ROBO2: variants seen among roughly 807,000 people sequenced by gnomAD.
ROBO2 encodes the protein roundabout guidance receptor 2, also known as roundabout homolog 2.
In ROBO2, 53 loss-of-function variants were observed where a neutral mutation model predicts 160.8. The ratio of observed to expected loss-of-function variants is 0.33; its 90% CI spans 0.26 to 0.41. The LOEUF (loss-of-function observed/expected upper bound fraction) is 0.41, where lower values mean the gene tolerates loss of function less well. ROBO2 is among the 10% of genes least tolerant of loss of function. The pLI, the probability that ROBO2 is intolerant of heterozygous loss-of-function variation, is 1.00. For missense variants in ROBO2, 1,577 were observed against 1,722.4 expected, an observed-to-expected ratio of 0.92 and a Z score of 1.49; for synonymous variants, 664 against 611.7, an observed-to-expected ratio of 1.09 and a Z score of -1.26.
At chr3:76,498,325 GT>G (rs1261971345) in intron 2 of ROBO2, among the ~76,000 whole-genome samples, 1 of 152,046 alleles carries the variant, frequency 6.6e-6, no homozygotes, top group East Asian at 1.9e-4. Context: ...TTGGAGAGGT[GT>G]TTGTTAAAGG....
intron 2 of ROBO2, among the ~76,000 whole-genome samples, chr3:76,323,170 C>CAT (rs1553705974): frequency 2.0e-5 from 3 of 151,304 alleles, no homozygotes; most frequent in Non-Finnish European, 4.4e-5. Context: ...CACACACACA[C>CAT]ACACACCCCT....
chr3:76,495,057 C>T (rs2107574026), intron 2 of ROBO2, among the ~76,000 whole-genome samples: 1 of 152,162 alleles, frequency 6.6e-6, no homozygotes, highest in Middle Eastern at 3.4e-3. Context: ...ATTAAAATTT[C>T]ACCTCAATTT....
chr3:77,082,939 C>G (rs1473533755), intron 1 of ROBO2, among the ~76,000 whole-genome samples: 2 of 151,886 alleles, frequency 1.3e-5, no homozygotes, highest in Admixed American at 6.6e-5. Flanking sequence ...AAAAAATCAG[C>G]CAGATTATAT....
chr3:77,570,970 A>G (rs2093623567), intron 13 of ROBO2, among the ~76,000 whole-genome samples: 1 of 151,998 alleles, frequency 6.6e-6, no homozygotes, highest in African/African-American at 2.4e-5. Flanking sequence ...GCTTTCTAAA[A>G]TGGCTGCTTT....
intron 2 of ROBO2, among the ~76,000 whole-genome samples, chr3:76,161,599 C>CAA (rs1559603022): frequency 6.6e-6 from 1 of 152,048 alleles, no homozygotes; most frequent in Non-Finnish European, 1.5e-5. Context: ...CTCTGACAGA[C>CAA]CCTTTCTCTT....
chr3:77,478,036 A>G (rs1312378761), intron 3 of ROBO2, among the ~76,000 whole-genome samples: 1 of 151,972 alleles, frequency 6.6e-6, no homozygotes, highest in Non-Finnish European at 1.5e-5. Context: ...CATGTTGGCC[A>G]GGATGGTCTC....
intron 2 of ROBO2, among the ~76,000 whole-genome samples, chr3:76,372,697 G>A (rs1376520270): frequency 6.6e-6 from 1 of 151,884 alleles, no homozygotes; most frequent in African/African-American, 2.4e-5. Context: ...GGTCGTCATG[G>A]GAGTGGGATG....
chr3:77,294,528 GTA>G (rs2061790411), intron 2 of ROBO2, among the ~76,000 whole-genome samples: 1 of 146,750 alleles, frequency 6.8e-6, no homozygotes, highest in Non-Finnish European at 1.5e-5. Flanking sequence ...GGTTAAACGG[GTA>G]AACTGAGGCT....
At position 77,446,612 on chromosome 3, in the gene ROBO2, T is replaced by C. The variant is rs559018584; in HGVS notation, c.389-30802T>C. Among the ~76,000 whole-genome samples the C allele has an allele frequency of 2.0e-5, 3 of 152,232 alleles. No homozygotes were observed. In the South Asian group the frequency reaches 6.2e-4, roughly 31 times the overall value. On this transcript the variant is annotated intron_variant, in intron 2 of 25. Transcript: ENST00000461745. Reference sequence around the variant, plus strand: ...ATCTGTAAAAATAGACACTGTATTTTTCTTATAGTGCTTAAACACTGTATA... The same window carrying C: ...ATCTGTAAAAATAGACACTGTATTTCTCTTATAGTGCTTAAACACTGTATA...
intron 2 of ROBO2, among the ~76,000 whole-genome samples, chr3:76,832,989 A>G (rs574079505): frequency 2.1e-4 from 32 of 152,306 alleles, no homozygotes; most frequent in South Asian, 2.1e-3. Flanking sequence ...AAACAAAGGG[A>G]GAGGTTAAAG....
At chr3:76,832,232 A>T (rs1202957871) in intron 2 of ROBO2, among the ~76,000 whole-genome samples, 2 of 152,236 alleles carry the variant, frequency 1.3e-5, no homozygotes, top group Non-Finnish European at 2.9e-5. Flanking sequence ...GTAAAAACTT[A>T]TTGAACTAAT....
At chr3:77,358,877 G>T (rs1330525857) in intron 2 of ROBO2, among the ~76,000 whole-genome samples, 2 of 152,168 alleles carry the variant, frequency 1.3e-5, no homozygotes, top group African/African-American at 2.4e-5. Flanking sequence ...TGACCTTTTG[G>T]TAAGGTAAAT....
At chr3:77,604,631 A>G (rs2094491998) in intron 20 of ROBO2, among the ~76,000 whole-genome samples, 1 of 152,160 alleles carries the variant, frequency 6.6e-6, no homozygotes, top group Admixed American at 6.5e-5. Context: ...TTGATGATAG[A>G]AAGCATTCTT....
At chr3:76,391,607 C>T (rs142798804) in intron 2 of ROBO2, among the ~76,000 whole-genome samples, 53 of 152,074 alleles carry the variant, frequency 3.5e-4, no homozygotes, top group African/African-American at 9.6e-4. Flanking sequence ...CTGCAGCCTC[C>T]GCCTCCCAGG....
rs80034834 is a variant in ROBO2 at position 76,364,463 on chromosome 3, C to T, written c.109+426861C>T. Among the ~76,000 whole-genome samples the T allele has an allele frequency of 3.4e-3, 523 of 151,984 alleles. 6 individuals are homozygous for T. Among genetic ancestry groups the T allele is most frequent in the Admixed American group, 0.024 (370 of 15,222 alleles). ...GCTGTATTCCTAAAACCTAGAATAA[C>T]GCCTGTCAAATAATAGGTACTCAAT... On this transcript the variant is annotated intron_variant, in intron 2 of 26. Transcript: ENST00000487694.
chr3:77,522,065 A>G (rs2090652968), intron 5 of ROBO2, among the ~76,000 whole-genome samples: 1 of 151,346 alleles, frequency 6.6e-6, no homozygotes, highest in Admixed American at 6.6e-5. Context: ...ATAATTTCTT[A>G]GAATTAAATA....
At chr3:76,077,188 C>T (rs912821502) in intron 2 of ROBO2, among the ~76,000 whole-genome samples, 11 of 152,102 alleles carry the variant, frequency 7.2e-5, no homozygotes, top group African/African-American at 2.4e-4. Context: ...AAACATTTCC[C>T]ATAATGTGTA....
At chr3:77,127,078 C>T (rs2075405222) in intron 2 of ROBO2, among the ~76,000 whole-genome samples, 1 of 151,964 alleles carries the variant, frequency 6.6e-6, no homozygotes, top group African/African-American at 2.4e-5. Flanking sequence ...TGTGAGCCAC[C>T]ACGCCAGGCC....
chr3:77,158,640 A>G (rs1413970363), intron 2 of ROBO2, among the ~76,000 whole-genome samples: 4 of 152,140 alleles, frequency 2.6e-5, no homozygotes, highest in Admixed American at 2.0e-4. Context: ...CAGTAGGTTT[A>G]GCTCATAACT....
Sources: gnomAD v4.1 joint callset for allele counts (sites outside exome capture counted in the v4.1 genomes callset) on GRCh38, gnomAD v4.1.1 for gene constraint, MANE v1.5 for transcripts, NCBI Gene and HGNC (gene_info 2026-07-23, HGNC 2026-07-21) for gene names.